ZNF521: variants seen among roughly 807,000 people sequenced by gnomAD.
ZNF521 encodes zinc finger protein 521.
A neutral mutation model predicts 105.5 loss-of-function variants in ZNF521; 14 were observed. The ratio of observed to expected loss-of-function variants is 0.13; its 90% confidence interval spans 0.09 to 0.21. The LOEUF is 0.21. ZNF521 is among the 10% of genes least tolerant of loss of function. The pLI, the probability that ZNF521 is intolerant of heterozygous loss-of-function variation, is 1.00. For synonymous variants in ZNF521, 635 were observed against 606.0 expected (o/e 1.05, Z -0.70); for missense variants, 1,233 against 1,629.7 (o/e 0.76, Z 4.19).
chr18:25,086,743 G>C (rs2144194620), intron 7 of ZNF521, among the ~76,000 whole-genome samples: 1 of 152,244 alleles, frequency 6.6e-6, no homozygotes, highest in Non-Finnish European at 1.5e-5. Context: ...AAGGCTCATA[G>C]TTTTGGATTA....
rs145174974 is a variant in ZNF521, at chr18:25,226,214, C to T, written c.1704G>A (p.Ser568=). 8.3e-5 allele frequency: 134 copies of T among 1,614,066 alleles called. No homozygotes were observed. The African/African-American group carries it at 1.4e-3, about 17-fold the overall frequency. ...EVYSCSYCTN[S]PIFNSVLKLN... ...GTTTAAGAACGCTGTTGAATATTGG[C>T]GAATTTGTACAATAGGAACAAGAAT... is the stretch of plus-strand genomic sequence containing the variant. Residue 568 remains serine, a synonymous_variant, in exon 4 of 8, where the codon TCG becomes TCA. Coordinates refer to ENST00000361524, the MANE Select transcript of ZNF521 (RefSeq NM_015461.3). This position sits in a 1 kb window ranked among gnomAD's most constrained non-coding sequence, Gnocchi z 4.1.
chr18:25,153,777 T>G (rs2035091743), intron 5 of ZNF521, among the ~76,000 whole-genome samples: 1 of 152,232 alleles, frequency 6.6e-6, no homozygotes, highest in East Asian at 1.9e-4. Flanking sequence ...TTTTTTCTTT[T>G]GTCCTATAAC....
chr18:25,230,679 A>T (rs907430117), intron 3 of ZNF521, among the ~76,000 whole-genome samples: 7 of 152,108 alleles, frequency 4.6e-5, no homozygotes, highest in Non-Finnish European at 7.4e-5. Context: ...ACTTACAGGG[A>T]CTGTCTTTCT....
At chr18:25,086,625 TACTC>T (rs1354203261) in intron 7 of ZNF521, among the ~76,000 whole-genome samples, 5 of 152,152 alleles carry the variant, frequency 3.3e-5, no homozygotes, top group African/African-American at 9.7e-5. Context: ...AATTATCACA[TACTC>T]ACCATAAATA....
At chr18:25,246,882 G>A (rs1032871526) in intron 3 of ZNF521, among the ~76,000 whole-genome samples, 3 of 152,086 alleles carry the variant, frequency 2.0e-5, no homozygotes, top group Admixed American at 6.5e-5. Context: ...CCACAGAAGG[G>A]GTTCCATAGT....
At chr18:25,156,173 A>G (rs1005515604) in intron 5 of ZNF521, among the ~76,000 whole-genome samples, 5 of 152,206 alleles carry the variant, frequency 3.3e-5, no homozygotes, top group Admixed American at 3.3e-4. Context: ...CCATTATTAT[A>G]ACTATTTTAC....
intron 5 of ZNF521, among the ~76,000 whole-genome samples, chr18:25,186,904 T>TAAAAAAAAAAAAAA (rs113619835): frequency 1.3e-5 from 1 of 74,338 alleles, no homozygotes; most frequent in African/African-American, 4.3e-5. Context: ...AAAGTAATGC[T>TAAAAAAAAAAAAAA]AAAAAAAAAA....
intron 4 of ZNF521, chr18:25,200,881 A>G (rs2035980145): frequency 6.6e-6 from 1 of 151,942 alleles, no homozygotes; most frequent in African/African-American, 2.4e-5. Context: ...TTCAGTGGAA[A>G]TCATATCTTC....
chr18:25,196,609 A>G (rs778369392), intron 4 of ZNF521, among the ~76,000 whole-genome samples: 2 of 151,754 alleles, frequency 1.3e-5, no homozygotes, highest in Non-Finnish European at 3.0e-5. Context: ...CGGTCTTTGT[A>G]CATTAGGCAT....
At chr18:25,137,352 G>A (rs1242634230) in intron 5 of ZNF521, among the ~76,000 whole-genome samples, 1 of 152,164 alleles carries the variant, frequency 6.6e-6, no homozygotes, top group East Asian at 1.9e-4. Context: ...CTCGGGCAAA[G>A]GTTTCTCTAC....
intron 3 of ZNF521, among the ~76,000 whole-genome samples, chr18:25,273,808 G>A (rs1041245385): frequency 1.3e-5 from 2 of 152,102 alleles, no homozygotes; most frequent in African/African-American, 4.8e-5. Context: ...TCTTGTACAG[G>A]CCTTATTATA....
At chr18:25,179,446 G>A (rs2035593462) in intron 5 of ZNF521, among the ~76,000 whole-genome samples, 1 of 151,930 alleles carries the variant, frequency 6.6e-6, no homozygotes, top group Non-Finnish European at 1.5e-5. Context: ...CAAACTAGTT[G>A]TTGGTGGTGG....
Position 25,227,341 on chromosome 18 carries a change from A to C in ZNF521, c.577T>G (p.Leu193Val). 1 of 1,614,138 alleles carries C rather than the reference A, an allele frequency of 6.2e-7. No homozygotes were observed. The highest frequency in any genetic ancestry group is 8.5e-7 in the Non-Finnish European group (1 of 1,180,002). The change falls in exon 4 of 8, where the codon TTA (leucine) becomes GTA (valine). Residue 193 changes from leucine to valine, a missense_variant. Leu to Val is a conservative substitution (Grantham distance 32, BLOSUM62 1). Coordinates refer to ENST00000361524, the MANE Select transcript of ZNF521 (RefSeq NM_015461.3). This position sits in a 1 kb window ranked among gnomAD's most constrained non-coding sequence, Gnocchi z 5.7. ...GGCTTGTTGGACGTGTGAGTCTTTA[A>C]GTGGATCTTCAAGTGATCACTTCTG... ...FSRSDHLKIH[L>V]KTHTSNKPYK...
rs553013150 is a variant in ZNF521 at position 25,073,112 on chromosome 18, G to A, written c.3907-10371C>T. On this transcript the variant is annotated intron_variant, in intron 7 of 7. Coordinates refer to ENST00000361524, the MANE Select transcript of ZNF521 (RefSeq NM_015461.3). ...ACAAATTTCCTCTCCGCCAGCTCTC[G>A]GTGCACACAACCAACTCTTGCTGCT... is the stretch of plus-strand genomic sequence containing the variant. 7.1e-4 allele frequency among the ~76,000 whole-genome samples: 108 copies of A among 152,006 alleles called. 2 individuals carry two copies. In the South Asian group the frequency reaches 0.016, roughly 22 times the overall value.
At chr18:25,202,370 G>C (rs2036007766) in intron 4 of ZNF521, 2 of 152,100 alleles carry the variant, frequency 1.3e-5, no homozygotes. Flanking sequence ...ATTATATTCA[G>C]TATCACAAGT....
intron 7 of ZNF521, among the ~76,000 whole-genome samples, chr18:25,071,615 T>C (rs2033224702): frequency 6.6e-6 from 1 of 151,966 alleles, no homozygotes; most frequent in Non-Finnish European, 1.5e-5. Flanking sequence ...AAAGAAAAAA[T>C]TGGTTTCAGA....
intron 3 of ZNF521, among the ~76,000 whole-genome samples, chr18:25,278,018 T>C (rs1910143626): frequency 6.6e-6 from 1 of 152,144 alleles, no homozygotes; most frequent in Non-Finnish European, 1.5e-5. Flanking sequence ...TGTGTGCAAA[T>C]TACGAAATAA....
At chr18:25,064,744 T>C (rs779654959) in intron 7 of ZNF521, among the ~76,000 whole-genome samples, 1 of 152,170 alleles carries the variant, frequency 6.6e-6, no homozygotes. Flanking sequence ...CGTGCAGAAG[T>C]TGGCGGGGGG....
chr18:25,242,962 C>T (rs1907449245), intron 3 of ZNF521, among the ~76,000 whole-genome samples: 1 of 152,190 alleles, frequency 6.6e-6, no homozygotes, highest in African/African-American at 2.4e-5. Flanking sequence ...AACCCCAAAT[C>T]AGCTGTTGGT....
Sources: allele counts gnomAD v4.1 joint callset (sites outside exome capture counted in the v4.1 genomes callset), GRCh38; gene constraint gnomAD v4.1.1; non-coding constraint Gnocchi (gnomAD v3.1); transcripts MANE v1.5; gene names NCBI Gene and HGNC (gene_info 2026-07-23, HGNC 2026-07-21).